The following ERBB4 variants were observed in gnomAD, a reference collection of about 807,000 sequenced individuals.
The protein encoded by ERBB4 is receptor tyrosine-protein kinase erbB-4.
Under a neutral mutation model 158.0 loss-of-function variants are expected in ERBB4, and 42 were observed. The ratio of observed to expected loss-of-function variants is 0.27; its 90% CI spans 0.21 to 0.34. The LOEUF is 0.34. Among genes scored for constraint, ERBB4 ranks in the 10% least tolerant of loss-of-function variants. The pLI is 1.00. For synonymous variants in ERBB4, 583 were observed against 558.7 expected (o/e 1.04, Z -0.61); for missense variants, 1,333 against 1,624.1 (o/e 0.82, Z 3.08).
intron 1 of ERBB4, among the ~76,000 whole-genome samples, chr2:212,448,784 T>C (rs1263765463): frequency 1.3e-5 from 2 of 152,164 alleles, no homozygotes. Flanking sequence ...TTTTCCTTTG[T>C]AATATATGCT....
At chr2:212,128,805 C>T (rs17416297) in intron 1 of ERBB4, among the ~76,000 whole-genome samples, 61,311 of 151,754 alleles carry the variant, frequency 0.4, 14,926 homozygotes, top group Non-Finnish European at 0.54. Flanking sequence ...AAACAAACAC[C>T]CAGGAAGAAA....
intron 4 of ERBB4, among the ~76,000 whole-genome samples, chr2:211,773,712 A>AAT (rs1491411893): frequency 5.7e-5 from 8 of 141,124 alleles, no homozygotes; most frequent in Admixed American, 2.9e-4. Context: ...TATAGTGAAG[A>AAT]ATATATATAT....
At chr2:212,053,452 A>G (rs957646855) in intron 2 of ERBB4, among the ~76,000 whole-genome samples, 1 of 151,608 alleles carries the variant, frequency 6.6e-6, no homozygotes, top group Non-Finnish European at 1.5e-5. Context: ...ATGGGCCACA[A>G]CTCTATTTCA....
At chr2:212,410,183 A>G (rs911368750) in intron 1 of ERBB4, among the ~76,000 whole-genome samples, 1 of 152,048 alleles carries the variant, frequency 6.6e-6, no homozygotes, top group African/African-American at 2.4e-5. Flanking sequence ...CTTTTTATTA[A>G]GAAATGTATG....
intron 1 of ERBB4, among the ~76,000 whole-genome samples, chr2:212,237,745 G>C (rs1359214611): frequency 6.6e-6 from 1 of 152,330 alleles, no homozygotes; most frequent in Non-Finnish European, 1.5e-5. Context: ...CCTGACTGTG[G>C]CTACTGCCTT....
At chr2:211,763,719 G>A (rs1205498388) in intron 4 of ERBB4, among the ~76,000 whole-genome samples, 4 of 151,704 alleles carry the variant, frequency 2.6e-5, no homozygotes, top group Admixed American at 1.3e-4. Flanking sequence ...AGACATCACC[G>A]AGACAGATAA....
At chr2:212,017,004 A>T (rs764827404) in intron 2 of ERBB4, among the ~76,000 whole-genome samples, 36 of 152,278 alleles carry the variant, frequency 2.4e-4, no homozygotes, top group Non-Finnish European at 4.3e-4. Flanking sequence ...AATTATTTTT[A>T]AAATGTCACT....
chr2:211,595,003 C>A (rs2125800762), intron 19 of ERBB4, among the ~76,000 whole-genome samples: 1 of 152,234 alleles, frequency 6.6e-6, no homozygotes, highest in East Asian at 1.9e-4. Context: ...TCTCATATTA[C>A]CTTCTTGAAT....
rs1463011601 is a variant in ERBB4 at position 211,947,626 on chromosome 2, C to G, written c.235-10G>C. 10 of 1,611,958 alleles carry G rather than the reference C, an allele frequency of 6.2e-6. No homozygotes were observed. Among genetic ancestry groups the G allele is most frequent in the Non-Finnish European group, 8.5e-6 (10 of 1,178,904 alleles). On this transcript the variant is annotated splice_polypyrimidine_tract_variant and intron_variant, in intron 2 of 27. Coordinates refer to ENST00000342788, the MANE Select transcript of ERBB4 (RefSeq NM_005235.3). ...TGACTTCTCGAACAGACTGAAAAGACACAAACAGTTGCCTGTGTTATAAAA... is the reference window on the plus strand; with the variant it reads ...TGACTTCTCGAACAGACTGAAAAGAGACAAACAGTTGCCTGTGTTATAAAA...
At chr2:211,676,567 AAAAC>A (rs1174289507) in intron 13 of ERBB4, among the ~76,000 whole-genome samples, 12 of 149,056 alleles carry the variant, frequency 8.1e-5, no homozygotes, top group East Asian at 1.9e-4. Context: ...TTCTGGGAAA[AAAAC>A]AAACAAACAA....
chr2:211,602,184 A>G (rs2068821900), intron 19 of ERBB4, among the ~76,000 whole-genome samples: 1 of 152,106 alleles, frequency 6.6e-6, no homozygotes, highest in African/African-American at 2.4e-5. Flanking sequence ...TCACAGGCCC[A>G]GGACCTGATT....
rs555939751 is a variant in ERBB4 at position 211,531,736 on chromosome 2, T to C, written c.2487+30167A>G. 4.6e-5 allele frequency among the ~76,000 whole-genome samples: 7 copies of C among 152,210 alleles called. No homozygotes were observed. In the South Asian group the frequency reaches 8.3e-4, roughly 18 times the overall value. ...GGAATGTAAATTAGTACAACCACTA[T>C]GGAGAACAGTTTGGAGGTTCCTCAA... On this transcript the variant is annotated intron_variant, in intron 20 of 27. Transcript: ENST00000342788.
chr2:211,644,399 T>A (rs2070710204), intron 16 of ERBB4, among the ~76,000 whole-genome samples: 2 of 151,976 alleles, frequency 1.3e-5, no homozygotes, highest in Admixed American at 6.6e-5. Context: ...CTAGGCGATG[T>A]TATGATTCGG....
intron 19 of ERBB4, among the ~76,000 whole-genome samples, chr2:211,597,918 T>A (rs1017512329): frequency 6.6e-6 from 1 of 152,152 alleles, no homozygotes; most frequent in Non-Finnish European, 1.5e-5. Flanking sequence ...TATTATTTGA[T>A]AAGAGAATCT....
At chr2:212,433,525 A>G (rs1479046727) in intron 1 of ERBB4, among the ~76,000 whole-genome samples, 1 of 152,000 alleles carries the variant, frequency 6.6e-6, no homozygotes, top group African/African-American at 2.4e-5. Context: ...AAATTGCCAA[A>G]TTACAAAAAG....
intron 3 of ERBB4, among the ~76,000 whole-genome samples, chr2:211,933,975 T>A (rs2080244368): frequency 6.6e-6 from 1 of 151,996 alleles, no homozygotes; most frequent in South Asian, 2.1e-4. Context: ...ATAAAATGTG[T>A]TTATCTTAAG....
chr2:212,363,158 G>A (rs988165824), intron 1 of ERBB4, among the ~76,000 whole-genome samples: 9 of 151,286 alleles, frequency 5.9e-5, no homozygotes, highest in African/African-American at 1.9e-4. Flanking sequence ...TTTTTGGATA[G>A]TATAGCTTTT....
Position 211,430,939 on chromosome 2 carries a change from A to G in ERBB4, c.2643+6T>C, listed in dbSNP as rs1257219003. 6.2e-7 allele frequency: 1 copy of G among 1,610,890 alleles called. No homozygotes were observed. The highest frequency in any genetic ancestry group is 8.5e-7 in the Non-Finnish European group (1 of 1,177,150). ...CAAGCAAGATTGCTCTCAAAAAGATACCCACCTTTCCTCCATCAGCATTGT... is the reference window on the plus strand; with the variant it reads ...CAAGCAAGATTGCTCTCAAAAAGATGCCCACCTTTCCTCCATCAGCATTGT... On this transcript the variant is annotated splice_donor_region_variant and intron_variant, in intron 21 of 27. Coordinates refer to ENST00000342788, the MANE Select transcript of ERBB4 (RefSeq NM_005235.3).
intron 4 of ERBB4, chr2:211,778,985 T>A (rs551970685): frequency 8.5e-4 from 130 of 152,306 alleles, no homozygotes; most frequent in African/African-American, 3.0e-3. Context: ...GTACAAAGCT[T>A]CGGGATAATC....
Sources: allele counts gnomAD v4.1 joint callset (sites outside exome capture counted in the v4.1 genomes callset), GRCh38; gene constraint gnomAD v4.1.1; transcripts MANE v1.5; gene names NCBI Gene and HGNC (gene_info 2026-07-23, HGNC 2026-07-21).